PTPN20: variants seen among roughly 807,000 people sequenced by gnomAD.
The protein encoded by PTPN20 is tyrosine-protein phosphatase non-receptor type 20.
Under a neutral mutation model 35.0 loss-of-function variants are expected in PTPN20, and 9 were observed. The observed-to-expected ratio is 0.26, with a 90% CI of 0.15 to 0.45. The LOEUF (loss-of-function observed/expected upper bound fraction) is 0.45, where lower values mean the gene tolerates loss of function less well. PTPN20 is among the 20% of genes least tolerant of loss of function. The probability of loss-of-function intolerance (pLI) is 1.00; values close to 1 mark genes in which losing one functional copy is unlikely to be tolerated. For missense variants in PTPN20, 111 were observed against 312.5 expected, an observed-to-expected ratio of 0.36 and a Z score of 4.86; for synonymous variants, 32 against 100.2, an observed-to-expected ratio of 0.32 and a Z score of 4.06.
intron 9 of PTPN20, among the ~76,000 whole-genome samples, chr10:46,989,464 C>A (rs2057514292): frequency 3.6e-5 from 1 of 27,428 alleles, no homozygotes; most frequent in Non-Finnish European, 5.9e-5. Flanking sequence ...TTGCATATGT[C>A]AAATTATACT....
chr10:46,980,147 G>A (rs1252684279), intron 7 of PTPN20, among the ~76,000 whole-genome samples: 1 of 131,920 alleles, frequency 7.6e-6, no homozygotes, highest in African/African-American at 2.7e-5. Flanking sequence ...TAATCATAAG[G>A]TGAAGGATAA....
At chr10:46,953,617 T>C (rs2047517842) in intron 5 of PTPN20, among the ~76,000 whole-genome samples, 1 of 136,272 alleles carries the variant, frequency 7.3e-6, no homozygotes, top group Non-Finnish European at 1.5e-5. Flanking sequence ...TTATTATGAA[T>C]GGACTCTTAC....
At chr10:46,986,298 C>T (rs2056857270) in intron 8 of PTPN20, among the ~76,000 whole-genome samples, 1 of 141,730 alleles carries the variant, frequency 7.1e-6, no homozygotes, top group African/African-American at 3.0e-5. Context: ...TAATATTTGG[C>T]CTAGTATCTG....
chr10:46,923,580 A>G (rs1206113389), intron 1 of PTPN20, among the ~76,000 whole-genome samples: 10 of 151,376 alleles, frequency 6.6e-5, no homozygotes, highest in African/African-American at 7.4e-5. Flanking sequence ...CTATTTGTCT[A>G]TTCTTTCAAC....
intron 9 of PTPN20, among the ~76,000 whole-genome samples, chr10:46,993,284 C>T (rs1305949378): frequency 1.3e-5 from 2 of 152,204 alleles, no homozygotes; most frequent in African/African-American, 4.8e-5. Flanking sequence ...CTCTTTAACC[C>T]CAAGGGGAAC....
intron 5 of PTPN20, among the ~76,000 whole-genome samples, chr10:46,953,395 CT>C (rs200486720): frequency 1.0e-5 from 1 of 100,146 alleles, no homozygotes; most frequent in African/African-American, 4.6e-5. Context: ...TTCTTTCTTT[CT>C]TTTTTTTTGA....
intron 1 of PTPN20, among the ~76,000 whole-genome samples, chr10:46,922,960 G>A (rs76446217): frequency 0.3 from 31,156 of 105,188 alleles, 6,189 homozygotes; most frequent in Middle Eastern, 0.4. Context: ...CTTGATTTAG[G>A]TGATTTAGGA....
At chr10:46,977,344 C>T (rs1429143584) in intron 7 of PTPN20, among the ~76,000 whole-genome samples, 2 of 152,298 alleles carry the variant, frequency 1.3e-5, no homozygotes, top group Non-Finnish European at 2.9e-5. Context: ...ATATATACAG[C>T]CTATTGATTC....
At chr10:46,954,701 T>C (rs1428235029) in intron 5 of PTPN20, among the ~76,000 whole-genome samples, 1 of 150,232 alleles carries the variant, frequency 6.7e-6, no homozygotes, top group Non-Finnish European at 1.5e-5. Context: ...GAACTAGCTT[T>C]TAGTTTCCCT....
chr10:46,918,884 T>C (rs1589137520), intron 1 of PTPN20, among the ~76,000 whole-genome samples: 2 of 130,872 alleles, frequency 1.5e-5, no homozygotes, highest in African/African-American at 6.6e-5. Flanking sequence ...CATAATGTTG[T>C]TCAGGTTTTC....
chr10:46,954,994 A>G (rs2048032807), intron 5 of PTPN20: 1 of 151,548 alleles, frequency 6.6e-6, no homozygotes, highest in Admixed American at 6.6e-5. Flanking sequence ...CATGGCATTT[A>G]TGTTGTATTA....
At chr10:46,975,957 A>G (rs1159089001) in intron 7 of PTPN20, among the ~76,000 whole-genome samples, 1 of 151,572 alleles carries the variant, frequency 6.6e-6, no homozygotes, top group Non-Finnish European at 1.5e-5. Flanking sequence ...CACCGCACAG[A>G]GCTGTTTTGT....
At chr10:46,959,771 A>G (rs1187695461) in intron 5 of PTPN20, among the ~76,000 whole-genome samples, 1 of 131,614 alleles carries the variant, frequency 7.6e-6, no homozygotes, top group Non-Finnish European at 1.6e-5. Context: ...AAAAAAAAAA[A>G]AACTGTGGAC....
intron 9 of PTPN20, among the ~76,000 whole-genome samples, chr10:46,998,458 C>T (rs1399167173): frequency 1.3e-5 from 2 of 152,130 alleles, no homozygotes; most frequent in Non-Finnish European, 2.9e-5. Context: ...AGAAGGAGAA[C>T]AGATTACTAT....
chr10:46,929,138 C>T (rs1156481598), intron 1 of PTPN20, among the ~76,000 whole-genome samples: 7 of 59,310 alleles, frequency 1.2e-4, no homozygotes, highest in Admixed American at 2.1e-4. Flanking sequence ...AGAATATGTA[C>T]AGTATTCAGT....
chr10:46,953,228 AG>A (rs1452245287), intron 5 of PTPN20, among the ~76,000 whole-genome samples: 1 of 143,338 alleles, frequency 7.0e-6, no homozygotes, highest in Non-Finnish European at 1.5e-5. Context: ...CATTAATTCT[AG>A]GGCCTTTTAA....
intron 9 of PTPN20, among the ~76,000 whole-genome samples, chr10:46,998,479 T>TAA (rs2138062502): frequency 6.6e-6 from 1 of 152,168 alleles, no homozygotes; most frequent in African/African-American, 2.4e-5. Flanking sequence ...TTTCCAAGGG[T>TAA]TAGAGATTGG....
intron 9 of PTPN20, among the ~76,000 whole-genome samples, chr10:46,998,136 G>A (rs2059470059): frequency 6.6e-6 from 1 of 152,146 alleles, no homozygotes; most frequent in African/African-American, 2.4e-5. Context: ...ATTTATCCCA[G>A]ATTAATCAAA....
chr10:46,938,290 G>A (rs1264036251), intron 2 of PTPN20, among the ~76,000 whole-genome samples: 2 of 123,344 alleles, frequency 1.6e-5, no homozygotes, highest in Admixed American at 1.7e-4. Context: ...CTGCCTTGTA[G>A]TTATGTTACT....
Sources: allele counts gnomAD v4.1 joint callset (sites outside exome capture counted in the v4.1 genomes callset), GRCh38; gene constraint gnomAD v4.1.1; transcripts MANE v1.5; gene names NCBI Gene and HGNC (gene_info 2026-07-23, HGNC 2026-07-21).